KLF12: variants seen among roughly 807,000 people sequenced by gnomAD.
KLF12 encodes the protein Krueppel-like factor 12.
KLF12 carries 9 observed loss-of-function variants against 37.8 expected under a neutral mutation model. The ratio of observed to expected loss-of-function variants is 0.24; its 90% CI spans 0.14 to 0.42. KLF12 has a LOEUF of 0.42. KLF12 is among the 10% of genes least tolerant of loss of function. KLF12 has a pLI of 1.00. For synonymous variants in KLF12, 208 were observed against 202.1 expected, an observed-to-expected ratio of 1.03 and a Z score of -0.25; for missense variants, 411 against 516.0, an observed-to-expected ratio of 0.80 and a Z score of 1.97.
intron 1 of KLF12, among the ~76,000 whole-genome samples, chr13:74,119,213 A>G (rs1385922819): frequency 1.3e-5 from 2 of 152,006 alleles, no homozygotes; most frequent in Non-Finnish European, 2.9e-5. Context: ...CGTGCCTGTA[A>G]TCCCAGATAC....
intron 3 of KLF12, 47 bp downstream of exon 3, chr13:73,943,934 C>A: frequency 8.8e-7 from 1 of 1,140,660 alleles, no homozygotes; most frequent in Non-Finnish European, 1.3e-6. Context: ...CAGAAGAATG[C>A]CACTCTCATC....
chr13:74,210,069 A>G, the KLF12 span, among the ~76,000 whole-genome samples: 6 of 152,174 alleles, frequency 3.9e-5, no homozygotes, highest in African/African-American at 1.4e-4. Flanking sequence ...TGGGGATGTG[A>G]CAATATTATA....
chr13:73,737,476 T>G lies in KLF12; in HGVS notation c.870-21951A>C, dbSNP rs1316113919. Among the ~76,000 whole-genome samples, 3 of 152,150 alleles carry G rather than the reference T, an allele frequency of 2.0e-5. No homozygotes were observed. The East Asian group carries it at 5.8e-4, about 29-fold the overall frequency. On this transcript the variant is annotated intron_variant, in intron 6 of 7. Transcript: ENST00000377669. ...GATTCCAGTCTCTTCATCTGTAAAA[T>G]AAGACAGTGGAACTAAATACTCTTT...
chr13:73,897,243 C>T (rs1887819890), intron 3 of KLF12, among the ~76,000 whole-genome samples: 1 of 152,134 alleles, frequency 6.6e-6, no homozygotes, highest in Admixed American at 6.5e-5. Context: ...ACTTTGCTAA[C>T]CAAAACACAC....
intron 1 of KLF12, among the ~76,000 whole-genome samples, chr13:74,099,339 C>T (rs1661874952): frequency 6.6e-6 from 1 of 152,010 alleles, no homozygotes; most frequent in Non-Finnish European, 1.5e-5. Context: ...AGAGTGAGAC[C>T]CTGTCTCTAA....
chr13:74,116,804 C>T (rs950074792), intron 1 of KLF12, among the ~76,000 whole-genome samples: 8 of 151,916 alleles, frequency 5.3e-5, no homozygotes, highest in Admixed American at 4.6e-4. Context: ...TACTATCTAG[C>T]AGATTATAAA....
intron 3 of KLF12, among the ~76,000 whole-genome samples, chr13:73,848,296 G>A (rs1429581170): frequency 6.6e-6 from 1 of 152,082 alleles, no homozygotes; most frequent in Non-Finnish European, 1.5e-5. Context: ...TGGGTAGACA[G>A]ACAATACAGG....
At chr13:73,740,635 C>A (rs1877904762) in intron 6 of KLF12, among the ~76,000 whole-genome samples, 1 of 152,180 alleles carries the variant, frequency 6.6e-6, no homozygotes, top group Admixed American at 6.5e-5. Context: ...GCCACTGCAC[C>A]TGGCCTAGTT....
chr13:73,965,710 C>T (rs1349369911), intron 2 of KLF12, among the ~76,000 whole-genome samples: 1 of 152,198 alleles, frequency 6.6e-6, no homozygotes, highest in African/African-American at 2.4e-5. Context: ...TTTCATCTTT[C>T]CCTTTCCAGA....
intron 5 of KLF12, among the ~76,000 whole-genome samples, chr13:73,789,468 C>T (rs904442761): frequency 1.8e-4 from 27 of 152,080 alleles, no homozygotes; most frequent in Admixed American, 3.3e-4. Flanking sequence ...AGCCAGAAAA[C>T]GTTCTGGACA....
Position 74,095,136 on chromosome 13 carries a change from C to A in KLF12, c.-32+38603G>T, listed in dbSNP as rs111858461. 3.0e-3 allele frequency among the ~76,000 whole-genome samples: 464 copies of A among 152,166 alleles called. 1 individual carries two copies. The highest frequency in any genetic ancestry group is 6.8e-3 in the Middle Eastern group (2 of 294). On this transcript the variant is annotated intron_variant, in intron 1 of 7. Coordinates refer to ENST00000377669, the MANE Select transcript of KLF12 (RefSeq NM_007249.5). Reference sequence around the variant, plus strand: ...CATTTTATGGACTCTGATCATATATCCTCCAGACTGAAAAGTTCACATTTT... The same window carrying A: ...CATTTTATGGACTCTGATCATATATACTCCAGACTGAAAAGTTCACATTTT...
intron 5 of KLF12, among the ~76,000 whole-genome samples, chr13:73,797,880 A>G (rs548648931): frequency 2.0e-5 from 3 of 152,166 alleles, no homozygotes; most frequent in African/African-American, 7.2e-5. Context: ...CCAGGCCCAG[A>G]GTCAATCACA....
the KLF12 span, among the ~76,000 whole-genome samples, chr13:74,199,840 T>C: frequency 6.6e-6 from 1 of 152,162 alleles, no homozygotes; most frequent in Non-Finnish European, 1.5e-5. Flanking sequence ...CAGGTCGTGG[T>C]GATCTGTCCC....
chr13:74,164,968 A>T, the KLF12 span, among the ~76,000 whole-genome samples: 1 of 152,320 alleles, frequency 6.6e-6, no homozygotes, highest in Non-Finnish European at 1.5e-5. Flanking sequence ...AGATAGAATG[A>T]ATAAAATCTA....
chr13:73,812,401 T>C (rs1313344174), intron 5 of KLF12, among the ~76,000 whole-genome samples: 1 of 136,232 alleles, frequency 7.3e-6, no homozygotes, highest in East Asian at 1.9e-4. Flanking sequence ...AAAAAAACTA[T>C]GTAAGGTGAG....
At chr13:74,117,978 G>A (rs894116122) in intron 1 of KLF12, among the ~76,000 whole-genome samples, 4 of 152,228 alleles carry the variant, frequency 2.6e-5, no homozygotes, top group African/African-American at 4.8e-5. Flanking sequence ...GGAAAAGCCA[G>A]TGAGATCCAA....
At chr13:74,128,267 G>A (rs1878054266) in intron 1 of KLF12, among the ~76,000 whole-genome samples, 1 of 152,144 alleles carries the variant, frequency 6.6e-6, no homozygotes, top group Non-Finnish European at 1.5e-5. Flanking sequence ...GACTGCCAGA[G>A]TTTTCTACCC....
intron 1 of KLF12, among the ~76,000 whole-genome samples, chr13:74,034,197 G>A (rs1461230654): frequency 6.6e-6 from 1 of 152,000 alleles, no homozygotes; most frequent in Non-Finnish European, 1.5e-5. Flanking sequence ...CAAGTAGCTG[G>A]GATTAGAGGC....
chr13:74,261,509 T>C, the KLF12 span, among the ~76,000 whole-genome samples: 2 of 152,168 alleles, frequency 1.3e-5, no homozygotes, highest in Non-Finnish European at 2.9e-5. Flanking sequence ...CTAGCTTTTC[T>C]TGAATGTTAT....
Sources: allele counts gnomAD v4.1 joint callset (sites outside exome capture counted in the v4.1 genomes callset), GRCh38; gene constraint gnomAD v4.1.1; transcripts MANE v1.5; gene names NCBI Gene and HGNC (gene_info 2026-07-23, HGNC 2026-07-21).